MAML2: variants seen among roughly 807,000 people sequenced by gnomAD.
The protein encoded by MAML2 is mastermind-like protein 2.
A neutral mutation model predicts 96.1 loss-of-function variants in MAML2; 22 were observed. That is an observed-to-expected ratio of 0.23 (90% CI 0.16 to 0.33). The LOEUF is 0.33. MAML2 is among the 10% of genes least tolerant of loss of function. The probability of loss-of-function intolerance (pLI) is 1.00; values close to 1 mark genes in which losing one functional copy is unlikely to be tolerated. For missense variants in MAML2, 1,367 were observed against 1,392.4 expected (o/e 0.98, Z 0.29); for synonymous variants, 561 against 521.3 (o/e 1.08, Z -1.04).
chr11:96,110,936 C>T (rs1258607289), intron 1 of MAML2, among the ~76,000 whole-genome samples: 1 of 152,134 alleles, frequency 6.6e-6, no homozygotes, highest in Non-Finnish European at 1.5e-5. Flanking sequence ...TGCTTTTGAC[C>T]AGACAGTTTC....
chr11:96,241,262 G>A (rs1862434651), intron 1 of MAML2, among the ~76,000 whole-genome samples: 1 of 152,220 alleles, frequency 6.6e-6, no homozygotes, highest in African/African-American at 2.4e-5. Flanking sequence ...ACTCTGAAAT[G>A]AGGACTTTGA....
chr11:96,041,205 T>C (rs906298018), intron 2 of MAML2, among the ~76,000 whole-genome samples: 1 of 151,560 alleles, frequency 6.6e-6, no homozygotes, highest in Admixed American at 6.6e-5. Flanking sequence ...CAGGTGATAT[T>C]CAAGGCCAGG....
chr11:96,122,932 A>G (rs1444248167), intron 1 of MAML2, among the ~76,000 whole-genome samples: 1 of 152,256 alleles, frequency 6.6e-6, no homozygotes, highest in Non-Finnish European at 1.5e-5. Context: ...CCTGATGGGC[A>G]TGATGAGCAA....
At chr11:96,019,557 C>T (rs879879438) in intron 2 of MAML2, among the ~76,000 whole-genome samples, 3 of 151,902 alleles carry the variant, frequency 2.0e-5, no homozygotes, top group Non-Finnish European at 4.4e-5. Flanking sequence ...CACTCACTCA[C>T]TTGAGATATA....
intron 1 of MAML2, among the ~76,000 whole-genome samples, chr11:96,112,817 T>C (rs960457779): frequency 1.3e-5 from 2 of 152,198 alleles, no homozygotes; most frequent in Admixed American, 1.3e-4. Flanking sequence ...ATAAGGAACA[T>C]AGGTGGCTTA....
intron 1 of MAML2, among the ~76,000 whole-genome samples, chr11:96,316,308 T>C (rs1432267543): frequency 6.6e-6 from 1 of 152,208 alleles, no homozygotes; most frequent in East Asian, 1.9e-4. Context: ...ATGGAGTTTC[T>C]ACTCTAAAGG....
At position 96,341,948 on chromosome 11, in the gene MAML2, A is replaced by C. The variant is rs1864002444; in HGVS notation, c.-53T>G. The C allele has an allele frequency of 6.9e-7, 1 of 1,449,906 alleles. No individual in the cohort carries two copies. The highest frequency in any genetic ancestry group is 2.3e-4 in the Middle Eastern group (1 of 4,440). 89.8% of individuals were successfully genotyped at this position (1,449,906 alleles called of 1,614,324 possible). A position where few individuals can be genotyped will look rare whatever the true frequency, so the allele number is the denominator to read the frequency against. On this transcript the variant is annotated 5_prime_UTR_variant, in exon 1 of 5. Transcript: ENST00000524717. ...TGGGATGGTGAGGTGGAAAGAGGCT[A>C]CTGCTGGCTATTGCAGGCAAGTCTG...
At chr11:96,203,287 A>C (rs1861851348) in intron 1 of MAML2, among the ~76,000 whole-genome samples, 1 of 152,236 alleles carries the variant, frequency 6.6e-6, no homozygotes, top group African/African-American at 2.4e-5. Context: ...CTGAATTAAT[A>C]TGTTTAACAT....
At chr11:96,155,539 T>TATATATATATATATATAA (rs1860998806) in intron 1 of MAML2, among the ~76,000 whole-genome samples, 1 of 97,926 alleles carries the variant, frequency 1.0e-5, no homozygotes, top group Admixed American at 1.1e-4. Flanking sequence ...TATATATATA[T>TATATATATATATATATAA]ATATATATAT....
intron 1 of MAML2, among the ~76,000 whole-genome samples, chr11:96,145,810 C>A (rs1860806158): frequency 6.6e-6 from 1 of 152,166 alleles, no homozygotes; most frequent in African/African-American, 2.4e-5. Flanking sequence ...GAGTTCGAGA[C>A]CAGCCTGGCC....
At chr11:96,051,788 AG>A (rs1858994163) in intron 2 of MAML2, among the ~76,000 whole-genome samples, 1 of 152,232 alleles carries the variant, frequency 6.6e-6, no homozygotes, top group South Asian at 2.1e-4. Flanking sequence ...GAGCAGAAAA[AG>A]GGCAAACTTT....
intron 1 of MAML2, among the ~76,000 whole-genome samples, chr11:96,151,700 G>A (rs1398707091): frequency 3.3e-5 from 5 of 152,090 alleles, no homozygotes; most frequent in South Asian, 2.1e-4. Flanking sequence ...TAAGACACCC[G>A]CTCCTACTTT....
intron 1 of MAML2, among the ~76,000 whole-genome samples, chr11:96,290,051 G>A (rs1432093999): frequency 3.9e-5 from 6 of 152,066 alleles, no homozygotes; most frequent in Non-Finnish European, 8.8e-5. Flanking sequence ...TTTGTTAGCC[G>A]TTGGCAGAGA....
At chr11:96,008,568 T>G (rs1858222575) in intron 2 of MAML2, among the ~76,000 whole-genome samples, 1 of 152,186 alleles carries the variant, frequency 6.6e-6, no homozygotes, top group South Asian at 2.1e-4. Context: ...TTTGAGCCAA[T>G]TAGATCCTCT....
chr11:96,266,161 T>G (rs574140086), intron 1 of MAML2, among the ~76,000 whole-genome samples: 3 of 152,210 alleles, frequency 2.0e-5, no homozygotes, highest in South Asian at 4.1e-4. Context: ...AGCAGGGCAC[T>G]GAAGAAACGA....
In MAML2 at chr11:95,992,043, A is replaced by G. The variant is rs16922805; in HGVS notation, c.2140-320T>C. ...CATAAAAACATATGGCAAACCTCTCAATTTCTCAGGAATAAACATCATAAC... is the reference window on the plus strand; with the variant it reads ...CATAAAAACATATGGCAAACCTCTCGATTTCTCAGGAATAAACATCATAAC... On this transcript the variant is annotated intron_variant, in intron 2 of 4. Coordinates refer to ENST00000524717, the MANE Select transcript of MAML2 (RefSeq NM_032427.4). Among the ~76,000 whole-genome samples the G allele has an allele frequency of 5.1e-3, 775 of 152,296 alleles. 24 individuals are homozygous for G. Among genetic ancestry groups the G allele is most frequent in the Admixed American group, 0.04 (605 of 15,304 alleles).
Position 96,139,346 on chromosome 11 carries a change from G to A in MAML2, c.514-45829C>T, listed in dbSNP as rs566527445. On this transcript the variant is annotated intron_variant, in intron 1 of 4. Coordinates refer to ENST00000524717, the MANE Select transcript of MAML2 (RefSeq NM_032427.4). ...CAAAAAATTAGCCGGGCGTGGTGGC[G>A]GGCGCCTGTAGCCCCAGCTACTGGG... is the stretch of plus-strand genomic sequence containing the variant. 4.3e-4 allele frequency among the ~76,000 whole-genome samples: 65 copies of A among 152,006 alleles called. 1 individual carries two copies. The East Asian group carries it at 0.01, about 24-fold the overall frequency.
rs1477391019 is a variant in MAML2 at position 96,173,112 on chromosome 11, C to G, written c.514-79595G>C. On this transcript the variant is annotated intron_variant, in intron 1 of 4. Transcript: ENST00000524717. ...CTATGCAAACATACTACTCCTCTTT[C>G]CCTTTTACAGAGGGGCTCTGGGACC... Among the ~76,000 whole-genome samples the G allele has an allele frequency of 2.0e-5, 3 of 152,196 alleles. 1 individual carries two copies. Among genetic ancestry groups the G allele is most frequent in the Non-Finnish European group, 4.4e-5 (3 of 68,038 alleles).
At chr11:96,205,184 A>T (rs1331033158) in intron 1 of MAML2, among the ~76,000 whole-genome samples, 1 of 152,242 alleles carries the variant, frequency 6.6e-6, no homozygotes, top group African/African-American at 2.4e-5. Flanking sequence ...TTGAGCAATT[A>T]CTGTAGTGAC....
Sources: allele counts gnomAD v4.1 joint callset (sites outside exome capture counted in the v4.1 genomes callset), GRCh38; gene constraint gnomAD v4.1.1; transcripts MANE v1.5; gene names NCBI Gene and HGNC (gene_info 2026-07-23, HGNC 2026-07-21).